The following HLCS variants were observed in gnomAD, a reference collection of about 807,000 sequenced individuals.
HLCS encodes holocarboxylase synthetase, also known as biotin--protein ligase.
HLCS carries 53 observed loss-of-function variants against 75.0 expected under a neutral mutation model. The ratio of observed to expected loss-of-function variants is 0.71; its 90% CI spans 0.57 to 0.89. The LOEUF is 0.89. Among genes scored for constraint, HLCS ranks in the 40% least tolerant of loss-of-function variants. The pLI, the probability that HLCS is intolerant of heterozygous loss-of-function variation, is 0.00. For synonymous variants in HLCS, 431 were observed against 428.6 expected, an observed-to-expected ratio of 1.01 and a Z score of -0.07; for missense variants, 966 against 1,074.0, an observed-to-expected ratio of 0.90 and a Z score of 1.41.
intron 5 of HLCS, among the ~76,000 whole-genome samples, chr21:36,928,889 G>A (rs1184428928): frequency 6.6e-6 from 1 of 152,182 alleles, no homozygotes; most frequent in Non-Finnish European, 1.5e-5. Context: ...GTTTGTGAAA[G>A]GGGAAATCAA....
intron 6 of HLCS, among the ~76,000 whole-genome samples, chr21:36,843,763 G>GA (rs2062700001): frequency 6.8e-6 from 1 of 146,896 alleles, no homozygotes; most frequent in East Asian, 2.0e-4. Flanking sequence ...AACACTTAAG[G>GA]AGGTCGAGAG....
At chr21:36,873,770 T>A (rs1395437788) in intron 6 of HLCS, among the ~76,000 whole-genome samples, 1 of 152,150 alleles carries the variant, frequency 6.6e-6, no homozygotes, top group Admixed American at 6.5e-5. Context: ...CAGCTAATTT[T>A]AAAAATATTT....
chr21:36,941,227 AAAGT>A (rs1421084993), intron 2 of HLCS, among the ~76,000 whole-genome samples: 2 of 152,096 alleles, frequency 1.3e-5, no homozygotes, highest in East Asian at 3.9e-4. Flanking sequence ...ATCAATCAAT[AAAGT>A]GTTTGGTAGT....
At chr21:36,794,178 C>A (rs1286927883) in intron 6 of HLCS, among the ~76,000 whole-genome samples, 3 of 152,246 alleles carry the variant, frequency 2.0e-5, no homozygotes, top group African/African-American at 7.2e-5. Context: ...CCTCTCCAGG[C>A]TCTGGGGTTG....
chr21:36,977,785 T>C (rs2068981628), intron 1 of HLCS, among the ~76,000 whole-genome samples: 1 of 152,146 alleles, frequency 6.6e-6, no homozygotes, highest in Non-Finnish European at 1.5e-5. Flanking sequence ...ACAGCTCCAA[T>C]GCAGGAATAA....
At chr21:36,761,452 C>G (rs908674237) in intron 8 of HLCS, among the ~76,000 whole-genome samples, 1 of 151,978 alleles carries the variant, frequency 6.6e-6, no homozygotes, top group Admixed American at 6.6e-5. Flanking sequence ...TCTAAGTAAA[C>G]CAAGCATGGG....
chr21:36,956,714 A>T, intron 2 of HLCS, among the ~76,000 whole-genome samples: 1 of 152,132 alleles, frequency 6.6e-6, no homozygotes, highest in East Asian at 1.9e-4. Context: ...TAGGCAACAG[A>T]GCGAGACTCC....
At chr21:36,771,697 A>C (rs548001674) in intron 6 of HLCS, among the ~76,000 whole-genome samples, 1 of 152,224 alleles carries the variant, frequency 6.6e-6, no homozygotes, top group East Asian at 1.9e-4. Context: ...CATGTTTTGA[A>C]GTATGCTTTT....
intron 5 of HLCS, among the ~76,000 whole-genome samples, chr21:36,910,146 A>G (rs2065636501): frequency 6.6e-6 from 1 of 152,236 alleles, no homozygotes; most frequent in Non-Finnish European, 1.5e-5. Context: ...AATTCTTACT[A>G]TTGGTATTTG....
At chr21:36,927,006 A>G (rs1340735205) in intron 5 of HLCS, among the ~76,000 whole-genome samples, 2 of 152,208 alleles carry the variant, frequency 1.3e-5, no homozygotes, top group Non-Finnish European at 2.9e-5. Context: ...TCAGCCTCCC[A>G]AGGCATTGGG....
At chr21:36,798,059 G>T (rs2061082271) in intron 6 of HLCS, among the ~76,000 whole-genome samples, 1 of 152,198 alleles carries the variant, frequency 6.6e-6, no homozygotes, top group Non-Finnish European at 1.5e-5. Flanking sequence ...GAGACTTGAA[G>T]GAAGTGAGAG....
At chr21:36,780,674 T>TGAAGATA (rs1171640620) in intron 6 of HLCS, among the ~76,000 whole-genome samples, 2 of 152,084 alleles carry the variant, frequency 1.3e-5, no homozygotes, top group African/African-American at 4.8e-5. Flanking sequence ...GAGGTATATC[T>TGAAGATA]TCAGGGTAAA....
In HLCS at chr21:36,782,924, C is replaced by T. The variant is rs557481516; in HGVS notation, c.1893-15639G>A. Among the ~76,000 whole-genome samples the T allele has an allele frequency of 7.9e-5, 12 of 152,194 alleles. No individual in the cohort carries two copies. The East Asian group carries it at 2.3e-3, about 29-fold the overall frequency. On this transcript the variant is annotated intron_variant, in intron 6 of 10. Transcript: ENST00000674895. ...ACTTGAACTTGGGAGGCAGAGACTG[C>T]CGAGATCACACCACTGCACTCCAGC...
chr21:36,821,390 T>C (rs768179439), intron 6 of HLCS, among the ~76,000 whole-genome samples: 1 of 152,170 alleles, frequency 6.6e-6, no homozygotes, highest in African/African-American at 2.4e-5. Context: ...GCCAAGAAGA[T>C]GTGGAAGAGT....
chr21:36,808,051 T>TA (rs5843778), intron 6 of HLCS, among the ~76,000 whole-genome samples: 2 of 147,768 alleles, frequency 1.4e-5, no homozygotes, highest in Admixed American at 6.7e-5. Flanking sequence ...ATCTAGAAAA[T>TA]AAAAAAAAAA....
At chr21:36,848,862 G>C (rs574124106) in intron 6 of HLCS, among the ~76,000 whole-genome samples, 1 of 152,148 alleles carries the variant, frequency 6.6e-6, no homozygotes, top group East Asian at 1.9e-4. Context: ...TTTAAGGAAA[G>C]AAAAAAGAAA....
At chr21:36,788,794 C>T (rs774297487) in intron 6 of HLCS, among the ~76,000 whole-genome samples, 1 of 152,198 alleles carries the variant, frequency 6.6e-6, no homozygotes, top group African/African-American at 2.4e-5. Flanking sequence ...GTCCTAGACA[C>T]TGAGGTGCAG....
chr21:36,984,521 GGT>G (rs2069190064), intron 1 of HLCS, among the ~76,000 whole-genome samples: 1 of 152,176 alleles, frequency 6.6e-6, no homozygotes, highest in South Asian at 2.1e-4. Context: ...AGAACAGGAA[GGT>G]GTGAGATTTC....
intron 6 of HLCS, among the ~76,000 whole-genome samples, chr21:36,844,347 G>C (rs1003672359): frequency 1.3e-5 from 2 of 152,126 alleles, no homozygotes; most frequent in South Asian, 4.2e-4. Flanking sequence ...GGAAACGGAG[G>C]GGGATTCGGC....
Sources: allele counts gnomAD v4.1 joint callset (sites outside exome capture counted in the v4.1 genomes callset), GRCh38; gene constraint gnomAD v4.1.1; transcripts MANE v1.5; gene names NCBI Gene and HGNC (gene_info 2026-07-23, HGNC 2026-07-21).